The following CCDC169 variants were observed in gnomAD, a reference collection of about 807,000 sequenced individuals.
The protein encoded by CCDC169 is coiled-coil domain-containing protein 169.
CCDC169 carries 30 observed loss-of-function variants against 36.0 expected under a neutral mutation model. The observed-to-expected ratio is 0.83, with a 90% CI of 0.62 to 1.13. The LOEUF is 1.13. Among genes scored for constraint, CCDC169 ranks in the 50% most tolerant of loss-of-function variants. The pLI, the probability that CCDC169 is intolerant of heterozygous loss-of-function variation, is 0.00. For synonymous variants in CCDC169, 85 were observed against 81.5 expected (o/e 1.04, Z -0.23); for missense variants, 245 against 245.9 (o/e 1.00, Z 0.03).
intron 2 of CCDC169, among the ~76,000 whole-genome samples, chr13:36,292,399 A>C (rs1187646794): frequency 6.6e-6 from 1 of 152,198 alleles, no homozygotes; most frequent in East Asian, 1.9e-4. Flanking sequence ...CACAAATACT[A>C]ATTCTTCTTG....
chr13:36,247,354 A>G (rs1872635727), intron 7 of CCDC169, among the ~76,000 whole-genome samples: 1 of 152,186 alleles, frequency 6.6e-6, no homozygotes, highest in African/African-American at 2.4e-5. Context: ...TTCAAGTCTT[A>G]TTATTTAAGA....
intron 2 of CCDC169, among the ~76,000 whole-genome samples, chr13:36,286,369 G>A (rs1878256335): frequency 6.6e-6 from 1 of 152,100 alleles, no homozygotes; most frequent in East Asian, 1.9e-4. Flanking sequence ...TGTCGCTGGG[G>A]CTCTGCTTTA....
chr13:36,248,555 A>G (rs1872764557), intron 7 of CCDC169, 51 bp downstream of exon 7: 3 of 1,522,582 alleles, frequency 2.0e-6, no homozygotes, highest in Non-Finnish European at 2.7e-6. Context: ...TGTCAGTGGC[A>G]TTTATGTGCA....
chr13:36,263,904 A>AG (rs1218401705), intron 4 of CCDC169, among the ~76,000 whole-genome samples: 1 of 152,180 alleles, frequency 6.6e-6, no homozygotes, highest in Non-Finnish European at 1.5e-5. Flanking sequence ...TCAGGGGGTG[A>AG]GGGAGGTAGT....
chr13:36,222,081 G>C (rs1274711970), exon 7 of CCDC169: 1 of 152,140 alleles, frequency 6.6e-6, no homozygotes, highest in Non-Finnish European at 1.5e-5. Flanking sequence ...GGCTTTGAGA[G>C]TAACAGGGGA....
chr13:36,297,770 C>A lies in CCDC169; in HGVS notation c.-51G>T. On this transcript the variant is annotated 5_prime_UTR_variant, in exon 1 of 8. Transcript: ENST00000239859. ...TCTTTCCCCTCAGCACCTTAGAGCA[C>A]AAGACATTAAGGGCCACCCAGAAGC... The A allele has an allele frequency of 2.6e-6, 4 of 1,517,154 alleles. No individual in the cohort carries two copies. Among genetic ancestry groups the A allele is most frequent in the Non-Finnish European group, 3.6e-6 (4 of 1,119,816 alleles). 94.0% of individuals were successfully genotyped at this position (1,517,154 alleles called of 1,614,324 possible).
chr13:36,257,139 A>G (rs2138495119), intron 4 of CCDC169, among the ~76,000 whole-genome samples: 1 of 152,244 alleles, frequency 6.6e-6, no homozygotes, highest in Non-Finnish European at 1.5e-5. Flanking sequence ...GTTATAGAAA[A>G]CTGTGTTCTT....
chr13:36,263,554 A>T (rs1363187877), intron 4 of CCDC169, among the ~76,000 whole-genome samples: 1 of 152,202 alleles, frequency 6.6e-6, no homozygotes, highest in Non-Finnish European at 1.5e-5. Context: ...TATTAAGAGA[A>T]TAATTAGGTG....
chr13:36,286,934 CCTTT>C (rs1171068594), intron 2 of CCDC169, among the ~76,000 whole-genome samples: 1 of 152,192 alleles, frequency 6.6e-6, no homozygotes. Flanking sequence ...CCTCTCCACT[CCTTT>C]CTTTTTCTCT....
rs547783460 is a variant in CCDC169, at chr13:36,233,098, C to T, written c.546-1806G>A. Among the ~76,000 whole-genome samples, 6 of 152,148 alleles carry T rather than the reference C, an allele frequency of 3.9e-5. No homozygotes were observed. The East Asian group carries it at 5.8e-4, about 15-fold the overall frequency. Reference sequence around the variant, plus strand: ...AAGGTAGAGTTGTAATTTGCCTGGCCGACTGTTGAAGGCATGCTCCAACAC... The same window carrying T: ...AAGGTAGAGTTGTAATTTGCCTGGCTGACTGTTGAAGGCATGCTCCAACAC... On this transcript the variant is annotated intron_variant, in intron 7 of 7. Coordinates refer to ENST00000239859, the MANE Select transcript of CCDC169 (RefSeq NM_001144981.3).
At chr13:36,256,415 G>A (rs999980895) in intron 4 of CCDC169, among the ~76,000 whole-genome samples, 1 of 152,196 alleles carries the variant, frequency 6.6e-6, no homozygotes, top group East Asian at 1.9e-4. Context: ...GAGAGAAAAT[G>A]AGAGCAAGCA....
downstream of CCDC169, chr13:36,227,280 A>T: frequency 6.4e-7 from 1 of 1,551,488 alleles, no homozygotes; most frequent in Admixed American, 2.0e-5. Context: ...TTTTTGTCCG[A>T]GGCATGTCCT....
At chr13:36,272,505 T>C (rs932382303) in intron 4 of CCDC169, among the ~76,000 whole-genome samples, 1 of 152,210 alleles carries the variant, frequency 6.6e-6, no homozygotes, top group African/African-American at 2.4e-5. Flanking sequence ...GGTTCATTGT[T>C]GGGTCACCAC....
intron 4 of CCDC169, among the ~76,000 whole-genome samples, chr13:36,277,294 C>T (rs1876946247): frequency 1.3e-5 from 2 of 151,946 alleles, no homozygotes; most frequent in South Asian, 4.2e-4. Context: ...AGGGGAACAA[C>T]ACACACTGGG....
Position 36,295,770 on chromosome 13 carries a change from T to A in CCDC169, c.163+8A>T, listed in dbSNP as rs1291464323. 3 of 1,444,122 alleles carry A rather than the reference T, an allele frequency of 2.1e-6. No individual in the cohort carries two copies. The highest frequency in any genetic ancestry group is 2.8e-6 in the Non-Finnish European group (3 of 1,053,700). 89.5% of individuals were successfully genotyped at this position (1,444,122 alleles called of 1,614,324 possible). ...AGGAGTCACAAATATAAGTATTTAC[T>A]TATATACCTTCATTGTCAGTATTGA... On this transcript the variant is annotated splice_region_variant and intron_variant, in intron 2 of 7. Transcript: ENST00000239859.
chr13:36,272,220 CA>C (rs111591842), intron 4 of CCDC169, among the ~76,000 whole-genome samples: 90,375 of 144,658 alleles, frequency 0.62, 27,568 homozygotes, highest in South Asian at 0.79. Context: ...ATCCATGTGA[CA>C]AAAAAAAAAA....
intron 2 of CCDC169, among the ~76,000 whole-genome samples, chr13:36,292,870 G>T (rs1452973093): frequency 6.6e-6 from 1 of 152,172 alleles, no homozygotes. Flanking sequence ...TTGAGTAGGT[G>T]CAAGTAGGTA....
rs562228192 is a variant in CCDC169 at position 36,233,630 on chromosome 13, T to C, written c.546-2338A>G. Among the ~76,000 whole-genome samples, 5 of 152,148 alleles carry C rather than the reference T, an allele frequency of 3.3e-5. No individual in the cohort carries two copies. In the South Asian group the frequency reaches 6.2e-4, roughly 19 times the overall value. On this transcript the variant is annotated intron_variant, in intron 7 of 7. Coordinates refer to ENST00000239859, the MANE Select transcript of CCDC169 (RefSeq NM_001144981.3). ...TAGAAATTATTTAAAAAGAACCAAA[T>C]AGGCATTCTGGAGTTGAAAAAGAAT...
chr13:36,254,184 C>CTAA (rs746869050), intron 4 of CCDC169, 41 bp from the exon 5 acceptor site: 35 of 1,330,672 alleles, frequency 2.6e-5, no homozygotes, highest in Middle Eastern at 5.4e-4. Context: ...TACTCATGTT[C>CTAA]TAAACAAAAT....
Sources: gnomAD v4.1 joint callset for allele counts (sites outside exome capture counted in the v4.1 genomes callset) on GRCh38, gnomAD v4.1.1 for gene constraint, MANE v1.5 for transcripts, NCBI Gene and HGNC (gene_info 2026-07-23, HGNC 2026-07-21) for gene names.